KIF21B: variants seen among roughly 807,000 people sequenced by gnomAD.
KIF21B encodes kinesin-like protein KIF21B.
A neutral mutation model predicts 192.9 loss-of-function variants in KIF21B; 85 were observed. The ratio of observed to expected loss-of-function variants is 0.44; its 90% CI spans 0.37 to 0.53. KIF21B has a LOEUF of 0.53. Among genes scored for constraint, KIF21B ranks in the 20% least tolerant of loss-of-function variants. The probability of loss-of-function intolerance (pLI) is 0.00; values close to 1 mark genes in which losing one functional copy is unlikely to be tolerated. For missense variants in KIF21B, 1,716 were observed against 2,194.8 expected, an observed-to-expected ratio of 0.78 and a Z score of 4.36; for synonymous variants, 832 against 884.6, an observed-to-expected ratio of 0.94 and a Z score of 1.05.
chr1:200,984,599 C>G (rs982953587), intron 27 of KIF21B, among the ~76,000 whole-genome samples: 1 of 152,232 alleles, frequency 6.6e-6, no homozygotes, highest in Admixed American at 6.5e-5. Context: ...GCCCACCTGA[C>G]TGCCCGGCCC....
intron 21 of KIF21B, among the ~76,000 whole-genome samples, chr1:200,989,706 G>A (rs938827308): frequency 1.3e-5 from 2 of 152,380 alleles, no homozygotes; most frequent in South Asian, 4.1e-4. Context: ...CCAGGTGCCA[G>A]GCCACGTCCC....
At position 200,971,632 on chromosome 1, in the gene KIF21B, G is replaced by A. The variant is rs1215827601; in HGVS notation, c.*1889C>T. The A allele has an allele frequency of 6.6e-6, 1 of 152,440 alleles. No individual in the cohort carries two copies. Among genetic ancestry groups the A allele is most frequent in the African/African-American group, 2.4e-5 (1 of 41,470 alleles). 9.4% of individuals were successfully genotyped at this position (152,440 alleles called of 1,614,324 possible). A position where few individuals can be genotyped will look rare whatever the true frequency, so the allele number is the denominator to read the frequency against. On this transcript the variant is annotated 3_prime_UTR_variant, in exon 35 of 35. Coordinates refer to ENST00000461742, the MANE Select transcript of KIF21B (RefSeq NM_001252102.2). Reference sequence around the variant, plus strand: ...CCCGGCACCCCCGGGGTGGCCAGAGGAAGAAGGATTTCCAGCCATTGCTGA... The same window carrying A: ...CCCGGCACCCCCGGGGTGGCCAGAGAAAGAAGGATTTCCAGCCATTGCTGA...
chr1:201,011,229 G>A (rs1658215700), intron 1 of KIF21B, among the ~76,000 whole-genome samples: 1 of 152,230 alleles, frequency 6.6e-6, no homozygotes, highest in South Asian at 2.1e-4. Context: ...GGGTCAGCAA[G>A]GCTCCTACCT....
chr1:201,021,614 T>G (rs1184734772), intron 1 of KIF21B, among the ~76,000 whole-genome samples: 1 of 152,196 alleles, frequency 6.6e-6, no homozygotes, highest in Non-Finnish European at 1.5e-5. Context: ...CTCCTCACTG[T>G]GCCAATCCCA....
At chr1:200,986,388 C>T (rs1438985174) in intron 26 of KIF21B, among the ~76,000 whole-genome samples, 3 of 147,372 alleles carry the variant, frequency 2.0e-5, no homozygotes, top group Non-Finnish European at 3.0e-5. Context: ...GACAGAGTCT[C>T]TCTCTGTTAC....
chr1:200,996,453 C>T (rs1277091813), intron 14 of KIF21B, 58 bp from the exon 15 acceptor site: 1 of 1,493,362 alleles, frequency 6.7e-7, no homozygotes, highest in African/African-American at 1.4e-5. Flanking sequence ...CCACTAAATA[C>T]AGGGTCATCA....
chr1:201,006,179 G>A (rs970304877), intron 3 of KIF21B, among the ~76,000 whole-genome samples: 30 of 152,256 alleles, frequency 2.0e-4, no homozygotes, highest in African/African-American at 7.0e-4. Flanking sequence ...GGAGGAACAC[G>A]CCTGTGTGCC....
chr1:201,009,037 C>G (rs1658080649), intron 2 of KIF21B, 86 bp from the exon 3 acceptor site: 1 of 1,446,702 alleles, frequency 6.9e-7, no homozygotes, highest in Non-Finnish European at 9.3e-7. Context: ...CCCCTTAGCT[C>G]ATCTACCTCC....
Position 200,996,353 on chromosome 1 carries a change from T to G in KIF21B, c.2120A>C (p.Lys707Thr). 6.2e-7 allele frequency: 1 copy of G among 1,614,106 alleles called. No homozygotes were observed. Among genetic ancestry groups the G allele is most frequent in the South Asian group, 1.1e-5 (1 of 91,080 alleles). ...CYTEEKANKIKADYEKRLREM... is the reference protein window; with the variant it reads ...CYTEEKANKITADYEKRLREM... ...CCGCAGCCTCTTCTCATAGTCTGCC[T>G]TGATCTTGTTGGCCTTCTCCTCAGT... The change falls in exon 15 of 35, where the codon AAG (lysine) becomes ACG (threonine). Residue 707 changes from lysine to threonine, a missense_variant. Lys to Thr is a moderately conservative substitution (Grantham distance 78). Coordinates refer to ENST00000461742, the MANE Select transcript of KIF21B (RefSeq NM_001252102.2).
chr1:200,976,994 T>C, intron 31 of KIF21B, 101 bp from the exon 32 acceptor site: 1 of 992,820 alleles, frequency 1.0e-6, no homozygotes, highest in Non-Finnish European at 1.5e-6. Context: ...GTCAGGGTAC[T>C]CACCCTCCCC....
In KIF21B at chr1:200,984,982, C is replaced by T. The variant is rs768109550; in HGVS notation, c.3690-10G>A. 8.1e-6 allele frequency: 13 copies of T among 1,596,898 alleles called. No homozygotes were observed. The highest frequency in any genetic ancestry group is 2.3e-5 in the East Asian group (1 of 43,694). ...TCCCACATCTGTGGACCTGGTGAGT[C>T]GGGACAGAGGGCAGCCTGTTAGTGA... is the stretch of plus-strand genomic sequence containing the variant. On this transcript the variant is annotated splice_polypyrimidine_tract_variant and intron_variant, in intron 26 of 34. Transcript: ENST00000461742.
At chr1:200,991,585 C>G in intron 17 of KIF21B, 72 bp downstream of exon 17, 1 of 1,463,918 alleles carries the variant, frequency 6.8e-7, no homozygotes, top group Non-Finnish European at 9.5e-7. Flanking sequence ...AAAGAGAAGG[C>G]AAGCAATGCA....
chr1:200,988,452 A>G, intron 23 of KIF21B, 41 bp downstream of exon 23: 2 of 1,605,816 alleles, frequency 1.2e-6, no homozygotes, highest in Non-Finnish European at 1.7e-6. Flanking sequence ...CCCCAGGTAC[A>G]TGCTGTGAGC....
In KIF21B at chr1:201,004,446, C is replaced by T; in HGVS notation, c.910G>A (p.Gly304Ser). 6.4e-7 allele frequency: 1 copy of T among 1,572,158 alleles called. No homozygotes were observed. The highest frequency in any genetic ancestry group is 8.6e-7 in the Non-Finnish European group (1 of 1,157,754). ...ISINCGLLAL[G>S]NVISALGDQS... ...TCCCCTAAGGCGCTGATCACATTGC[C>T]CAAGGCCAGCTGTGGGAGACAGACC... Residue 304 changes from glycine to serine, a missense_variant, in exon 7 of 35, where the codon GGC becomes AGC. This residue lies in a region of KIF21B where 1,087 missense variants were observed against 1,316.6 expected (regional missense o/e 0.83). Coordinates refer to ENST00000461742, the MANE Select transcript of KIF21B (RefSeq NM_001252102.2).
chr1:200,991,083 G>C lies in KIF21B; in HGVS notation c.2521C>G (p.Pro841Ala), dbSNP rs1489474129. 2.5e-6 allele frequency: 4 copies of C among 1,614,074 alleles called. No homozygotes were observed. The highest frequency in any genetic ancestry group is 3.4e-6 in the Non-Finnish European group (4 of 1,180,036). ...TCAGCCCCAGAGTCCAGCATGGGTG[G>C]CTTTAGTCCTGCACGCCCTGCCACC... is the stretch of plus-strand genomic sequence containing the variant. ...ERVAGRAGLK[P>A]PMLDSGAEVS... is the part of the protein sequence containing the mutation. The change falls in exon 18 of 35, where the codon CCA (proline) becomes GCA (alanine). Residue 841 changes from proline to alanine, a missense_variant. Transcript: ENST00000461742.
intron 1 of KIF21B, among the ~76,000 whole-genome samples, chr1:201,011,171 T>A (rs1257496383): frequency 6.6e-6 from 1 of 152,220 alleles, no homozygotes; most frequent in Non-Finnish European, 1.5e-5. Flanking sequence ...TTCTTGCTCA[T>A]CCTTCTGGAC....
chr1:201,002,524 A>C, intron 8 of KIF21B, 174 bp from the exon 9 acceptor site: 1 of 602,524 alleles, frequency 1.7e-6, no homozygotes, highest in Non-Finnish European at 2.9e-6. Context: ...CCCAGTGATC[A>C]AAAACCTTAC....
intron 32 of KIF21B, 61 bp downstream of exon 32, chr1:200,976,715 G>T: frequency 2.7e-6 from 3 of 1,092,900 alleles, no homozygotes; most frequent in South Asian, 1.5e-5. Context: ...CAGGGCAACA[G>T]AGGGCAAAGA....
chr1:200,986,008 GC>G (rs1047105049), intron 26 of KIF21B, among the ~76,000 whole-genome samples: 23 of 151,166 alleles, frequency 1.5e-4, no homozygotes, highest in Non-Finnish European at 8.8e-5. Context: ...ACCACGCCCA[GC>G]CAATTTTTTT....
Sources: gnomAD v4.1 joint callset for allele counts (sites outside exome capture counted in the v4.1 genomes callset) on GRCh38, gnomAD v4.1.1 for gene constraint, gnomAD v4.1.1 regional missense constraint, MANE v1.5 for transcripts, NCBI Gene and HGNC (gene_info 2026-07-23, HGNC 2026-07-21) for gene names.